OXNAD1: variants seen among roughly 807,000 people sequenced by gnomAD.
The protein encoded by OXNAD1 is oxidoreductase NAD binding domain containing 1.
A neutral mutation model predicts 32.9 loss-of-function variants in OXNAD1; 34 were observed. The ratio of observed to expected loss-of-function variants is 1.03; its 90% CI spans 0.79 to 1.38. The LOEUF (loss-of-function observed/expected upper bound fraction) is 1.38. Ranked by LOEUF, OXNAD1 falls within the 40% of genes most tolerant of loss-of-function variation. OXNAD1 has a pLI of 0.00. For missense variants in OXNAD1, 407 were observed against 379.4 expected (o/e 1.07, Z -0.60); for synonymous variants, 134 against 135.2 (o/e 0.99, Z 0.06).
Position 16,317,331 on chromosome 3 carries a change from G to C in OXNAD1, c.*30+13739G>C. 1 of 1,273,306 alleles carries C rather than the reference G, an allele frequency of 7.9e-7. No individual in the cohort carries two copies. Among genetic ancestry groups the C allele is most frequent in the South Asian group, 1.3e-5 (1 of 76,738 alleles). 78.9% of individuals were successfully genotyped at this position (1,273,306 alleles called of 1,614,324 possible). A position where few individuals can be genotyped will look rare whatever the true frequency, so the allele number is the denominator to read the frequency against. The stretch of plus-strand genomic sequence containing the variant: ...ATTCATACCCACACCATGTCTGAGT[G>C]AGACATACAATTCCCAGCATCCCCC... On this transcript the variant is annotated intron_variant, in intron 9 of 9. Coordinates refer to the OXNAD1 transcript ENST00000435829. The surrounding 1 kb of genome is among the most constrained non-coding windows in gnomAD (Gnocchi z 4.3).
At position 16,337,258 on chromosome 3, in the gene OXNAD1, G is replaced by A. The variant is rs1202162704; in HGVS notation, c.*177G>A. The A allele has an allele frequency of 6.6e-6, 1 of 152,178 alleles. No homozygotes were observed. The highest frequency in any genetic ancestry group is 1.9e-4 in the East Asian group (1 of 5,194). 9.4% of individuals were successfully genotyped at this position (152,178 alleles called of 1,614,324 possible). On this transcript the variant is annotated 3_prime_UTR_variant, in exon 10 of 10. Transcript: ENST00000435829. This position sits in a 1 kb window ranked among gnomAD's most constrained non-coding sequence, Gnocchi z 5.0. The stretch of plus-strand genomic sequence containing the variant: ...ATCAGCGCCTGCAGGCACATGCTGA[G>A]ATTAGTCGATTTCCTAAAAGTTGAA...
chr3:16,269,419 G>C, intron 2 of OXNAD1, 144 bp downstream of exon 2: 1 of 780,736 alleles, frequency 1.3e-6, no homozygotes, highest in Non-Finnish European at 2.0e-6. Context: ...AAAATAGCAA[G>C]TAGCATGCTT....
At chr3:16,293,640 C>T (rs1354685150) in intron 5 of OXNAD1, among the ~76,000 whole-genome samples, 1 of 145,656 alleles carries the variant, frequency 6.9e-6, no homozygotes, top group African/African-American at 2.6e-5. Context: ...TTGTTCTGAT[C>T]ACGTTTTATT....
intron 2 of OXNAD1, among the ~76,000 whole-genome samples, chr3:16,269,488 C>G (rs1160227658): frequency 1.3e-5 from 2 of 152,214 alleles, no homozygotes; most frequent in African/African-American, 4.8e-5. Flanking sequence ...TATCTAAAGA[C>G]TAGTTATGAA....
intron 9 of OXNAD1, among the ~76,000 whole-genome samples, chr3:16,347,189 C>A (rs1364062753): frequency 6.6e-6 from 1 of 152,172 alleles, no homozygotes; most frequent in Non-Finnish European, 1.5e-5. Context: ...AAATCCAGGC[C>A]CTTGCCTCAC....
chr3:16,280,772 C>T lies in OXNAD1; in HGVS notation c.184-5570C>T, dbSNP rs1416804636. 5.3e-5 allele frequency among the ~76,000 whole-genome samples: 8 copies of T among 152,142 alleles called. No individual in the cohort carries two copies. Among genetic ancestry groups the T allele is most frequent in the Non-Finnish European group, 1.0e-4 (7 of 68,030 alleles). The stretch of plus-strand genomic sequence containing the variant: ...TAACATCAAAATATCCTACATAAAA[C>T]CAGCTTTTTAAACAAGTGTGATGGA... On this transcript the variant is annotated intron_variant, in intron 4 of 8. Coordinates refer to ENST00000285083, the MANE Select transcript of OXNAD1 (RefSeq NM_138381.5). This position sits in a 1 kb window ranked among gnomAD's most constrained non-coding sequence, Gnocchi z 4.5.
chr3:16,319,293 A>G (rs59419439), intron 9 of OXNAD1, among the ~76,000 whole-genome samples: 24,249 of 152,214 alleles, frequency 0.16, 2,018 homozygotes, highest in African/African-American at 0.21. Flanking sequence ...ACTGTTGCCA[A>G]AAAAGTGGTG....
intron 9 of OXNAD1, among the ~76,000 whole-genome samples, chr3:16,347,135 T>C (rs1420723692): frequency 6.6e-6 from 1 of 152,134 alleles, no homozygotes; most frequent in Non-Finnish European, 1.5e-5. Context: ...AGTGTACAGC[T>C]CTCTGATGAA....
chr3:16,301,841 A>C lies in OXNAD1; in HGVS notation c.648A>C (p.Ala216=). 1 of 1,613,982 alleles carries C rather than the reference A, an allele frequency of 6.2e-7. No individual in the cohort carries two copies. Residue 216 remains alanine, a synonymous_variant, in exon 7 of 9, where the codon GCA becomes GCC. Transcript: ENST00000285083. The surrounding 1 kb of genome is among the most constrained non-coding windows in gnomAD (Gnocchi z 4.1). ...EIGTIKLFYS[A]KNTSELLFKK... is the part of the protein sequence containing the mutation. ...GAACAATAAAACTATTCTACAGTGC[A>C]AAAAATACCAGCGAACTCCTGTTTA...
rs1334818682 is a variant in OXNAD1 at position 16,322,792 on chromosome 3, G to A, written c.*31-14320G>A. Among the ~76,000 whole-genome samples, 2 of 152,150 alleles carry A rather than the reference G, an allele frequency of 1.3e-5. No individual in the cohort carries two copies. The highest frequency in any genetic ancestry group is 4.8e-5 in the African/African-American group (2 of 41,414). On this transcript the variant is annotated intron_variant, in intron 9 of 9. Transcript: ENST00000435829. The surrounding 1 kb of genome is among the most constrained non-coding windows in gnomAD (Gnocchi z 6.2). ...TCTAGGGTAGTTCAGAGTCCGGAGAGGGGGAAAAGGGCCCTGGGGATCTCT... is the reference window on the plus strand; with the variant it reads ...TCTAGGGTAGTTCAGAGTCCGGAGAAGGGGAAAAGGGCCCTGGGGATCTCT...
chr3:16,268,861 T>A (rs1294125442), intron 1 of OXNAD1, among the ~76,000 whole-genome samples: 2 of 152,202 alleles, frequency 1.3e-5, no homozygotes, highest in Non-Finnish European at 2.9e-5. Context: ...GCCTTTGGTC[T>A]GCTGTTTCCT....
chr3:16,341,639 G>A (rs1234605657), downstream of OXNAD1, among the ~76,000 whole-genome samples: 7 of 152,090 alleles, frequency 4.6e-5, no homozygotes, highest in Admixed American at 2.6e-4. The surrounding 1 kb of genome is among the most constrained non-coding windows in gnomAD (Gnocchi z 4.7). Flanking sequence ...CTAAAAAAAA[G>A]TAAGGACCTT....
At chr3:16,274,792 T>G (rs762263682) in intron 4 of OXNAD1, among the ~76,000 whole-genome samples, 1 of 152,236 alleles carries the variant, frequency 6.6e-6, no homozygotes, top group African/African-American at 2.4e-5. Flanking sequence ...TTCTTTCATG[T>G]TATGACCGAA....
chr3:16,266,999 A>T (rs920218628), intron 1 of OXNAD1, among the ~76,000 whole-genome samples: 1 of 152,226 alleles, frequency 6.6e-6, no homozygotes. Flanking sequence ...TGTTGGAGCA[A>T]GAGGAGCCCT....
rs75944520 is a variant in OXNAD1, at chr3:16,317,725, C to T, written c.*30+14133C>T. 0.015 allele frequency among the ~76,000 whole-genome samples: 2,344 copies of T among 152,110 alleles called. 33 individuals are homozygous for T. Among genetic ancestry groups the T allele is most frequent in the Admixed American group, 0.022 (333 of 15,272 alleles). The stretch of plus-strand genomic sequence containing the variant: ...ACATGGGGCAGACACTGTGCTGTAC[C>T]GCTCAGATCCCCCCACAGGACTGGC... On this transcript the variant is annotated intron_variant, in intron 9 of 9. Transcript: ENST00000435829. This position sits in a 1 kb window ranked among gnomAD's most constrained non-coding sequence, Gnocchi z 4.3.
intron 9 of OXNAD1, among the ~76,000 whole-genome samples, chr3:16,331,330 A>G (rs1314962344): frequency 6.6e-6 from 1 of 152,236 alleles, no homozygotes; most frequent in East Asian, 1.9e-4. Flanking sequence ...CATGGGAAAT[A>G]AAGGTTTAGT....
At position 16,268,313 on chromosome 3, in the gene OXNAD1, C is replaced by CTTTTTTTTTTTTTTTTTTTTTTTTTTTTT; in HGVS notation, c.-158-808_-158-780dup. 3.3e-5 allele frequency among the ~76,000 whole-genome samples: 2 copies of CTTTTTTTTTTTTTTTTTTTTTTTTTTTTT among 60,926 alleles called. 1 individual carries two copies. Among genetic ancestry groups the CTTTTTTTTTTTTTTTTTTTTTTTTTTTTT allele is most frequent in the Non-Finnish European group, 6.6e-5 (2 of 30,410 alleles). 40.0% of individuals were successfully genotyped at this position (60,926 alleles called of 152,430 possible). A position where few individuals can be genotyped will look rare whatever the true frequency, so the allele number is the denominator to read the frequency against. ...AATCTTAGGATTTTAAAGAGAACTC[C>CTTTTTTTTTTTTTTTTTTTTTTTTTTTTT]TTTTTTTTTTTTTTTTTTTTTTTTT... On this transcript the variant is annotated intron_variant, in intron 1 of 8. Coordinates refer to ENST00000285083, the MANE Select transcript of OXNAD1 (RefSeq NM_138381.5).
At chr3:16,275,135 T>C (rs1015066216) in intron 4 of OXNAD1, 4 of 175,750 alleles carry the variant, frequency 2.3e-5, no homozygotes, top group South Asian at 2.8e-4. Context: ...TTTTCCTGCT[T>C]TGGCTGTCTT....
chr3:16,305,005 T>C lies in OXNAD1; in HGVS notation c.*1443T>C, dbSNP rs2067446460. 1 of 152,206 alleles carries C rather than the reference T, an allele frequency of 6.6e-6. No individual in the cohort carries two copies. The highest frequency in any genetic ancestry group is 2.4e-5 in the African/African-American group (1 of 41,440). 9.4% of individuals were successfully genotyped at this position (152,206 alleles called of 1,614,324 possible). A position where few individuals can be genotyped will look rare whatever the true frequency, so the allele number is the denominator to read the frequency against. Reference sequence around the variant, plus strand: ...AGCTACTGACCTGATGGGAATATCATAATCCATTCAAGGAAATGGTCATTA... The same window carrying C: ...AGCTACTGACCTGATGGGAATATCACAATCCATTCAAGGAAATGGTCATTA... On this transcript the variant is annotated 3_prime_UTR_variant, in exon 9 of 9. Transcript: ENST00000285083. The surrounding 1 kb of genome is among the most constrained non-coding windows in gnomAD (Gnocchi z 4.5).
Sources: allele counts gnomAD v4.1 joint callset (sites outside exome capture counted in the v4.1 genomes callset), GRCh38; gene constraint gnomAD v4.1.1; non-coding constraint Gnocchi (gnomAD v3.1); transcripts MANE v1.5; gene names NCBI Gene and HGNC (gene_info 2026-07-23, HGNC 2026-07-21).